SPNS2: variants seen among roughly 807,000 people sequenced by gnomAD.
SPNS2 encodes the protein SPNS lysolipid transporter 2, sphingosine-1-phosphate, also known as sphingosine-1-phosphate transporter SPNS2.
A neutral mutation model predicts 57.6 loss-of-function variants in SPNS2; 37 were observed. The observed-to-expected ratio is 0.64, with a 90% confidence interval of 0.49 to 0.85. The LOEUF (loss-of-function observed/expected upper bound fraction) is 0.85, where lower values mean the gene tolerates loss of function less well. SPNS2 is among the 40% of genes least tolerant of loss of function. SPNS2 has a pLI of 0.00. For synonymous variants in SPNS2, 440 were observed against 346.9 expected, an observed-to-expected ratio of 1.27 and a Z score of -2.98; for missense variants, 831 against 779.1, an observed-to-expected ratio of 1.07 and a Z score of -0.79.
chr17:4,512,449 C>T lies in SPNS2; in HGVS notation c.371-798C>T, dbSNP rs1324672208. Among the ~76,000 whole-genome samples, 1 of 152,142 alleles carries T rather than the reference C, an allele frequency of 6.6e-6. No homozygotes were observed. Among genetic ancestry groups the T allele is most frequent in the Non-Finnish European group, 1.5e-5 (1 of 68,028 alleles). On this transcript the variant is annotated intron_variant, in intron 1 of 12. Transcript: ENST00000329078. This position sits in a 1 kb window ranked among gnomAD's most constrained non-coding sequence, Gnocchi z 5.2. ...GGGTGGTTTCTGGGTGGTCCAGCTG[C>T]TGCCCCCACCCCGTGACGTGCAAAG... is the stretch of plus-strand genomic sequence containing the variant.
intron 2 of SPNS2, among the ~76,000 whole-genome samples, chr17:4,517,434 G>C (rs1016812133): frequency 1.4e-4 from 22 of 152,318 alleles, no homozygotes; most frequent in Non-Finnish European, 2.5e-4. Flanking sequence ...GAGGCGGGTG[G>C]ATCACCCGAG....
At position 4,512,750 on chromosome 17, in the gene SPNS2, G is replaced by A. The variant is rs542946229; in HGVS notation, c.371-497G>A. 1.8e-4 allele frequency among the ~76,000 whole-genome samples: 28 copies of A among 152,152 alleles called. No homozygotes were observed. Among genetic ancestry groups the A allele is most frequent in the African/African-American group, 5.8e-4 (24 of 41,490 alleles). Reference sequence around the variant, plus strand: ...TGCAGGTGTGTGTGTGCATGTACAGGTGTGTGCGTGTGTGTGCGAATGTGG... The same window carrying A: ...TGCAGGTGTGTGTGTGCATGTACAGATGTGTGCGTGTGTGTGCGAATGTGG... On this transcript the variant is annotated intron_variant, in intron 1 of 12. Transcript: ENST00000329078. The surrounding 1 kb of genome is among the most constrained non-coding windows in gnomAD (Gnocchi z 5.2).
At chr17:4,520,929 TATC>T (rs1267755752) in intron 2 of SPNS2, among the ~76,000 whole-genome samples, 1 of 152,166 alleles carries the variant, frequency 6.6e-6, no homozygotes, top group African/African-American at 2.4e-5. Flanking sequence ...TAACTGCAGT[TATC>T]ATGAACACTA....
rs75560665 is a variant in SPNS2 at position 4,533,666 on chromosome 17, G to A, written c.1279-122G>A. 4,398 of 1,171,788 alleles carry A rather than the reference G, an allele frequency of 3.8e-3. 116 individuals are homozygous for A. The African/African-American group carries it at 0.06, about 16-fold the overall frequency. The allele number at this position is 1,171,788 out of a possible 1,614,324, so 72.6% of individuals were successfully genotyped here. Reference sequence around the variant, plus strand: ...CTCTGGATAGCCCATGAATGGATGTGGGCCCGGGAGGGGTGTGAGGTTTTG... The same window carrying A: ...CTCTGGATAGCCCATGAATGGATGTAGGCCCGGGAGGGGTGTGAGGTTTTG... On this transcript the variant is annotated intron_variant, in intron 8 of 12. Transcript: ENST00000329078.
At position 4,499,701 on chromosome 17, in the gene SPNS2, C is replaced by G; in HGVS notation, c.370+284C>G. ...CCTCTCCAGCCCTTGACGGCCCATCCGTTGTCCTCCTCTCCAAGAGTCTCC... is the reference window on the plus strand; with the variant it reads ...CCTCTCCAGCCCTTGACGGCCCATCGGTTGTCCTCCTCTCCAAGAGTCTCC... On this transcript the variant is annotated intron_variant, in intron 1 of 12. Coordinates refer to ENST00000329078, the MANE Select transcript of SPNS2 (RefSeq NM_001124758.3). The surrounding 1 kb of genome is among the most constrained non-coding windows in gnomAD (Gnocchi z 5.2). The G allele has an allele frequency of 3.3e-6, 1 of 303,104 alleles. No individual in the cohort carries two copies. The highest frequency in any genetic ancestry group is 2.2e-5 in the African/African-American group (1 of 46,430). The allele number at this position is 303,104 out of a possible 1,614,324, so 18.8% of individuals were successfully genotyped here.
At chr17:4,530,047 T>C (rs1905397082) in intron 3 of SPNS2, among the ~76,000 whole-genome samples, 1 of 152,086 alleles carries the variant, frequency 6.6e-6, no homozygotes, top group Admixed American at 6.5e-5. Context: ...AAAGGGGTCA[T>C]GCTACCAGCA....
In SPNS2 at chr17:4,536,311, T is replaced by G. The variant is rs1407328853; in HGVS notation, c.1492T>G (p.Phe498Val). Residue 498 changes from phenylalanine (F) to valine (V), a missense_variant, in exon 11 of 13, where the codon TTC (phenylalanine) becomes GTC (valine). Phe to Val is a conservative substitution (Grantham distance 50). Coordinates refer to ENST00000329078, the MANE Select transcript of SPNS2 (RefSeq NM_001124758.3). ...CACTAAGGACTCCCCGCTCTGGGAG[T>G]TCCTGAGCCTGGGCTACGCGCTCAT... Reference protein sequence around the residue: ...QSTKDSPLWEFLSLGYALMLC... With the variant: ...QSTKDSPLWEVLSLGYALMLC... 6.2e-7 allele frequency: 1 copy of G among 1,612,512 alleles called. No homozygotes were observed. Among genetic ancestry groups the G allele is most frequent in the Non-Finnish European group, 8.5e-7 (1 of 1,179,942 alleles).
rs115191205 is a variant in SPNS2 at position 4,521,820 on chromosome 17, C to T, written c.437-3237C>T. Among the ~76,000 whole-genome samples, 919 of 152,318 alleles carry T rather than the reference C, an allele frequency of 6.0e-3. 5 individuals carry two copies. Among genetic ancestry groups the T allele is most frequent in the African/African-American group, 0.019 (806 of 41,574 alleles). On this transcript the variant is annotated intron_variant, in intron 2 of 12. Coordinates refer to ENST00000329078, the MANE Select transcript of SPNS2 (RefSeq NM_001124758.3). ...GTAGAAACACTGGACAATGGCGTGTCCCCGCACATCCCTTTCCAACGCCCA... is the reference window on the plus strand; with the variant it reads ...GTAGAAACACTGGACAATGGCGTGTTCCCGCACATCCCTTTCCAACGCCCA...
Position 4,537,757 on chromosome 17 carries a change from C to G in SPNS2, c.*309C>G, listed in dbSNP as rs1905940812. On this transcript the variant is annotated 3_prime_UTR_variant, in exon 13 of 13. Transcript: ENST00000329078. Reference sequence around the variant, plus strand: ...AGTGGGTGTCCGGGGAGAGCCTGGCCTGCCACCAGCTTATGTGATCTTGGG... The same window carrying G: ...AGTGGGTGTCCGGGGAGAGCCTGGCGTGCCACCAGCTTATGTGATCTTGGG... The G allele has an allele frequency of 2.2e-6, 1 of 456,484 alleles. No individual in the cohort carries two copies. Among genetic ancestry groups the G allele is most frequent in the African/African-American group, 2.0e-5 (1 of 50,222 alleles). 28.3% of individuals were successfully genotyped at this position (456,484 alleles called of 1,614,324 possible).
intron 2 of SPNS2, among the ~76,000 whole-genome samples, chr17:4,514,616 T>C (rs1489088800): frequency 6.6e-6 from 1 of 152,162 alleles, no homozygotes; most frequent in African/African-American, 2.4e-5. Flanking sequence ...CAGTATCCCC[T>C]ATAGGTGGCC....
Position 4,511,042 on chromosome 17 carries a change from G to A in SPNS2, c.371-2205G>A, listed in dbSNP as rs376643364. 3.5e-4 allele frequency among the ~76,000 whole-genome samples: 54 copies of A among 152,334 alleles called. No homozygotes were observed. Among genetic ancestry groups the A allele is most frequent in the East Asian group, 9.6e-4 (5 of 5,184 alleles). ...TACCAGCACAGATAGTGAGGACAGC[G>A]TCTGTACCATCTTCAAAGCCTCACG... On this transcript the variant is annotated intron_variant, in intron 1 of 12. Coordinates refer to ENST00000329078, the MANE Select transcript of SPNS2 (RefSeq NM_001124758.3). This position sits in a 1 kb window ranked among gnomAD's most constrained non-coding sequence, Gnocchi z 4.6.
intron 2 of SPNS2, among the ~76,000 whole-genome samples, chr17:4,524,736 C>T (rs1190951721): frequency 6.6e-6 from 1 of 152,122 alleles, no homozygotes; most frequent in Non-Finnish European, 1.5e-5. Flanking sequence ...ACATGGTGAG[C>T]CCCTAGCATA....
At chr17:4,535,409 C>A (rs72830098) in intron 9 of SPNS2, among the ~76,000 whole-genome samples, 1 of 152,154 alleles carries the variant, frequency 6.6e-6, no homozygotes, top group Non-Finnish European at 1.5e-5. Flanking sequence ...GGGTCTTTAG[C>A]TTGATGGGAG....
At chr17:4,506,970 G>A (rs1366226830) in intron 1 of SPNS2, among the ~76,000 whole-genome samples, 2 of 152,202 alleles carry the variant, frequency 1.3e-5, no homozygotes, top group African/African-American at 4.8e-5. Context: ...CGGGCAGACG[G>A]GGGCAGGATC....
intron 12 of SPNS2, 27 bp from the exon 13 acceptor site, chr17:4,537,426 C>T (rs1184573469): frequency 4.6e-6 from 2 of 437,986 alleles, no homozygotes; most frequent in Non-Finnish European, 9.3e-6. Flanking sequence ...CTAAGCCCCA[C>T]TGCTGACCTG....
Position 4,532,994 on chromosome 17 carries a change from C to T in SPNS2, c.953C>T (p.Ser318Phe), listed in dbSNP as rs1436073331. ...CTCCCCAGCCGCAGCTACGTCTTCTCCTCCCTGGCCACGTCGGCTGTCTCC... is the reference window on the plus strand; with the variant it reads ...CTCCCCAGCCGCAGCTACGTCTTCTTCTCCCTGGCCACGTCGGCTGTCTCC... The part of the protein sequence containing the change: ...ALIRNRSYVF[S>F]SLATSAVSFA... Residue 318 changes from serine (S) to phenylalanine (F), a missense_variant, in exon 7 of 13, where the codon TCC becomes TTC. Ser to Phe is a radical substitution (Grantham distance 155, BLOSUM62 -2). Around this residue, in one of 2 missense-constraint regions of SPNS2, gnomAD observed 526 missense variants for 400.9 expected, o/e 1.31. Coordinates refer to ENST00000329078, the MANE Select transcript of SPNS2 (RefSeq NM_001124758.3). 5 of 1,612,552 alleles carry T rather than the reference C, an allele frequency of 3.1e-6. No individual in the cohort carries two copies. Among genetic ancestry groups the T allele is most frequent in the Non-Finnish European group, 3.4e-6 (4 of 1,179,592 alleles).
chr17:4,502,147 G>A (rs1195348514), intron 1 of SPNS2, among the ~76,000 whole-genome samples: 3 of 152,090 alleles, frequency 2.0e-5, no homozygotes, highest in Admixed American at 6.6e-5. Context: ...AGGTCGAGGC[G>A]GGTGGATCAC....
Position 4,538,899 on chromosome 17 carries a change from G to A in SPNS2, c.*1451G>A, listed in dbSNP as rs372455859. The A allele has an allele frequency of 3.6e-5, 28 of 781,292 alleles. No homozygotes were observed. The highest frequency in any genetic ancestry group is 6.8e-5 in the Admixed American group (4 of 59,018). 48.4% of individuals were successfully genotyped at this position (781,292 alleles called of 1,614,324 possible). ...TTCTTGTTGTACAAGAACCAGGTCC[G>A]AGTGTTGCCTCCTCTTCCTTCCGGA... On this transcript the variant is annotated 3_prime_UTR_variant, in exon 13 of 13. Transcript: ENST00000329078.
At chr17:4,527,986 C>A in intron 3 of SPNS2, among the ~76,000 whole-genome samples, 1 of 150,020 alleles carries the variant, frequency 6.7e-6, no homozygotes, top group Non-Finnish European at 1.5e-5. Flanking sequence ...AAATGACCAT[C>A]ACTGGGTGTG....
Sources: gnomAD v4.1 joint callset for allele counts (sites outside exome capture counted in the v4.1 genomes callset) on GRCh38, gnomAD v4.1.1 for gene constraint, gnomAD v4.1.1 regional missense constraint, Gnocchi (gnomAD v3.1) non-coding constraint, MANE v1.5 for transcripts, NCBI Gene and HGNC (gene_info 2026-07-23, HGNC 2026-07-21) for gene names.